The following KLHL13 variants were observed in gnomAD, a reference collection of about 807,000 sequenced individuals.
KLHL13 encodes the protein kelch-like protein 13.
Under a neutral mutation model 37.1 loss-of-function variants are expected in KLHL13, and 10 were observed. That is an observed-to-expected ratio of 0.27 (90% CI 0.17 to 0.46). KLHL13 has a LOEUF of 0.46. Among genes scored for constraint, KLHL13 ranks in the 20% least tolerant of loss-of-function variants. The pLI, the probability that KLHL13 is intolerant of heterozygous loss-of-function variation, is 1.00. For missense variants in KLHL13, 360 were observed against 509.3 expected (o/e 0.71, Z 2.82); for synonymous variants, 163 against 181.2 (o/e 0.90, Z 0.81).
intron 1 of KLHL13, among the ~76,000 whole-genome samples, chrX:118,035,231 A>G (rs2054421542): frequency 9.7e-6 from 1 of 103,225 alleles, no homozygotes; most frequent in African/African-American, 4.2e-5. Flanking sequence ...AATCCTCCCT[A>G]ACTCATTTTA....
chrX:118,034,223 G>A (rs1421241412), intron 1 of KLHL13, among the ~76,000 whole-genome samples: 29 of 105,617 alleles, frequency 2.7e-4, no homozygotes, highest in African/African-American at 1.1e-3. Flanking sequence ...ATTGAACTCA[G>A]CTCTGCACCA....
intron 1 of KLHL13, among the ~76,000 whole-genome samples, chrX:118,105,876 C>A (rs2055340202): frequency 9.6e-6 from 1 of 104,082 alleles, no homozygotes. Flanking sequence ...ATTAAAGGAT[C>A]CTTTGGTCTA....
intron 1 of KLHL13, among the ~76,000 whole-genome samples, chrX:118,089,609 AG>A (rs1569313807): frequency 7.4e-4 from 49 of 66,588 alleles, no homozygotes; most frequent in African/African-American, 2.8e-3. Context: ...AGAGAGAGAG[AG>A]AGAAAGAAAG....
chrX:118,040,274 G>C lies in KLHL13; in HGVS notation c.-56+76234C>G, dbSNP rs72607607. Among the ~76,000 whole-genome samples, 67 of 111,993 alleles carry C rather than the reference G, an allele frequency of 6.0e-4. No homozygotes were observed. In the East Asian group the frequency reaches 0.016, roughly 26 times the overall value. On this transcript the variant is annotated intron_variant, in intron 1 of 6. Coordinates refer to the KLHL13 transcript ENST00000371882. Reference sequence around the variant, plus strand: ...ACCAAACAAACTAAATGAGGTACCAGAGACCAGTCTTAGAGAGACAGGGAT... The same window carrying C: ...ACCAAACAAACTAAATGAGGTACCACAGACCAGTCTTAGAGAGACAGGGAT...
rs141137082 is a variant in KLHL13 at position 118,074,771 on chromosome X, T to C, written c.-56+41737A>G. Among the ~76,000 whole-genome samples the C allele has an allele frequency of 3.2e-3, 355 of 112,008 alleles. 3 individuals are homozygous for C. The highest frequency in any genetic ancestry group is 0.011 in the African/African-American group (338 of 30,854). ...CTATAAAAATTTGATAAGATTTTCTTAGGTTTGTGAGGCTGCTTCTCTTTC... is the reference window on the plus strand; with the variant it reads ...CTATAAAAATTTGATAAGATTTTCTCAGGTTTGTGAGGCTGCTTCTCTTTC... On this transcript the variant is annotated intron_variant, in intron 1 of 6. Coordinates refer to the KLHL13 transcript ENST00000371882.
At chrX:118,020,663 G>C (rs984801997) in intron 1 of KLHL13, among the ~76,000 whole-genome samples, 1 of 109,802 alleles carries the variant, frequency 9.1e-6, no homozygotes, top group Non-Finnish European at 1.9e-5. Context: ...AAGGATTATA[G>C]ATCATGCTGC....
intron 1 of KLHL13, among the ~76,000 whole-genome samples, chrX:118,093,817 T>C (rs1257310431): frequency 3.6e-5 from 4 of 110,350 alleles, no homozygotes; most frequent in African/African-American, 1.3e-4. Context: ...AGAAGTATGA[T>C]GGGCTAAAGT....
chrX:117,903,986 T>A lies in KLHL13; in HGVS notation c.1367-2040A>T, dbSNP rs895241900. ...TTGAATACTTATTCACTTTTTATTA[T>A]TATTAATATTTTCCTATGTAGAAAG... is the stretch of plus-strand genomic sequence containing the variant. On this transcript the variant is annotated intron_variant, in intron 5 of 6. Transcript: ENST00000262820. Among the ~76,000 whole-genome samples, 137 of 111,207 alleles carry A rather than the reference T, an allele frequency of 1.2e-3. 1 individual carries two copies. The highest frequency in any genetic ancestry group is 4.3e-3 in the African/African-American group (131 of 30,703).
At chrX:117,931,160 T>C (rs1282779951) in intron 2 of KLHL13, among the ~76,000 whole-genome samples, 1 of 111,762 alleles carries the variant, frequency 8.9e-6, no homozygotes, top group Non-Finnish European at 1.9e-5. Flanking sequence ...AATGATATCC[T>C]ACATTGACTT....
chrX:118,108,442 T>C (rs2055369586), intron 1 of KLHL13, among the ~76,000 whole-genome samples: 1 of 112,439 alleles, frequency 8.9e-6, no homozygotes, highest in Non-Finnish European at 1.9e-5. Context: ...TCACTTGCCT[T>C]TTTCTTCTTC....
At position 118,007,114 on chromosome X, in the gene KLHL13, A is replaced by C. The variant is rs769086185; in HGVS notation, c.-55-61539T>G. Among the ~76,000 whole-genome samples, 12 of 111,046 alleles carry C rather than the reference A, an allele frequency of 1.1e-4. No individual in the cohort carries two copies. The South Asian group carries it at 4.7e-3, about 43-fold the overall frequency. On this transcript the variant is annotated intron_variant, in intron 1 of 6. Coordinates refer to the KLHL13 transcript ENST00000371882. The stretch of plus-strand genomic sequence containing the variant: ...AGTAGCCTCCCAAGTTTGAGAAGTC[A>C]AAAGTAGGAGTCAGCCAGGTGAGGT...
intron 5 of KLHL13, among the ~76,000 whole-genome samples, chrX:117,908,418 G>A (rs1224275612): frequency 9.3e-6 from 1 of 107,786 alleles, no homozygotes; most frequent in African/African-American, 3.4e-5. Context: ...GACAGGCCCT[G>A]GTGTGTGATG....
At chrX:117,907,497 T>A (rs1930627614) in intron 5 of KLHL13, among the ~76,000 whole-genome samples, 1 of 111,872 alleles carries the variant, frequency 8.9e-6, no homozygotes, top group Non-Finnish European at 1.9e-5. Flanking sequence ...GAAGAAAATA[T>A]TTAAGAAAAC....
intron 1 of KLHL13, among the ~76,000 whole-genome samples, chrX:118,112,449 G>A (rs781531311): frequency 4.5e-5 from 5 of 110,936 alleles, no homozygotes; most frequent in Non-Finnish European, 7.5e-5. Context: ...TAGTTCAATG[G>A]GGAATAGTGT....
At chrX:118,088,998 CAGA>C (rs1046285780) in intron 1 of KLHL13, among the ~76,000 whole-genome samples, 47 of 111,204 alleles carry the variant, frequency 4.2e-4, no homozygotes, top group African/African-American at 1.5e-3. Flanking sequence ...ACCAAAAACA[CAGA>C]AGAAGAAAAG....
At chrX:118,100,920 C>T (rs757364040) in intron 1 of KLHL13, among the ~76,000 whole-genome samples, 18 of 111,807 alleles carry the variant, frequency 1.6e-4, no homozygotes, top group Non-Finnish European at 2.4e-4. Context: ...TCTATTCCTT[C>T]GGCAATTTTT....
chrX:118,083,269 T>C (rs1242186083), intron 1 of KLHL13, among the ~76,000 whole-genome samples: 2 of 111,495 alleles, frequency 1.8e-5, no homozygotes, highest in Admixed American at 9.6e-5. Context: ...TCTATCATCA[T>C]ATACCTATGC....
At chrX:118,011,745 G>A (rs923220282) in intron 1 of KLHL13, among the ~76,000 whole-genome samples, 3 of 111,496 alleles carry the variant, frequency 2.7e-5, no homozygotes, top group Non-Finnish European at 5.6e-5. Context: ...CAGGTACTCA[G>A]GGCTAAGATT....
chrX:118,028,334 G>T, intron 1 of KLHL13, 90 bp downstream of exon 2: 1 of 544,424 alleles, frequency 1.8e-6, no homozygotes, highest in Non-Finnish European at 3.0e-6. Context: ...TTTATACCAA[G>T]TATTCAACAA....
Sources: allele counts gnomAD v4.1 joint callset (sites outside exome capture counted in the v4.1 genomes callset), GRCh38; gene constraint gnomAD v4.1.1; transcripts MANE v1.5; gene names NCBI Gene and HGNC (gene_info 2026-07-23, HGNC 2026-07-21).